FTCD: variants seen among roughly 807,000 people sequenced by gnomAD.
The protein encoded by FTCD is formimidoyltransferase cyclodeaminase.
FTCD carries 76 observed loss-of-function variants against 62.9 expected under a neutral mutation model. The observed-to-expected ratio is 1.21, with a 90% confidence interval of 1.00 to 1.46. The LOEUF is 1.46. Among genes scored for constraint, FTCD ranks in the 40% most tolerant of loss-of-function variants. The pLI, the probability that FTCD is intolerant of heterozygous loss-of-function variation, is 0.00. For synonymous variants in FTCD, 397 were observed against 336.9 expected, an observed-to-expected ratio of 1.18 and a Z score of -1.95; for missense variants, 845 against 751.3, an observed-to-expected ratio of 1.12 and a Z score of -1.46.
chr21:46,143,209 C>A (rs985022122), intron 10 of FTCD, among the ~76,000 whole-genome samples: 1 of 152,312 alleles, frequency 6.6e-6, no homozygotes, highest in East Asian at 1.9e-4. Flanking sequence ...CAACTTAGGG[C>A]TGGGGGTCTT....
chr21:46,151,426 T>A, intron 5 of FTCD, 132 bp downstream of exon 5: 1 of 816,460 alleles, frequency 1.2e-6, no homozygotes, highest in East Asian at 2.5e-5. Flanking sequence ...GCTGGGCCGG[T>A]CTGCAGGTGG....
Position 46,139,108 on chromosome 21 carries a change from A to AG in FTCD, c.1261-186dup, listed in dbSNP as rs534933038. The AG allele has an allele frequency of 1.9e-4, 92 of 489,180 alleles. 1 individual carries two copies. The highest frequency in any genetic ancestry group is 1.1e-3 in the Middle Eastern group (2 of 1,774). The allele number at this position is 489,180 out of a possible 1,614,324, so 30.3% of individuals were successfully genotyped here. On this transcript the variant is annotated intron_variant, in intron 10 of 13. Coordinates refer to ENST00000397746, the MANE Select transcript of FTCD (RefSeq NM_206965.2). The stretch of plus-strand genomic sequence containing the variant: ...ATCAGGCTTGGTGGAGGAGCAGGGT[A>AG]GGGGGGGTCGGGGCACACAGCAGAT...
intron 12 of FTCD, 118 bp from the exon 13 acceptor site, chr21:46,137,452 C>T: frequency 1.3e-6 from 1 of 796,370 alleles, no homozygotes; most frequent in Admixed American, 1.8e-5. Context: ...TCACAAGGAG[C>T]CCAGCGCAGC....
At position 46,151,570 on chromosome 21, in the gene FTCD, G is replaced by A. The variant is rs775966116; in HGVS notation, c.624C>T (p.Arg208=). The A allele has an allele frequency of 1.4e-5, 22 of 1,612,402 alleles. No individual in the cohort carries two copies. The highest frequency in any genetic ancestry group is 1.2e-4 in the Admixed American group (7 of 60,008). ...RIALNLREQG[R]GKDQPGRLKK... ...TGAACGGGGTCACCTGGTCCTTCCC[G>A]CGGCCCTGCTCCCGCAGGTTGAGCG... Residue 208 remains arginine (R), a synonymous_variant, in exon 5 of 14, where the codon CGC becomes CGT. Coordinates refer to ENST00000397746, the MANE Select transcript of FTCD (RefSeq NM_206965.2).
intron 12 of FTCD, among the ~76,000 whole-genome samples, chr21:46,138,286 C>A (rs1000594505): frequency 5.9e-5 from 9 of 152,224 alleles, no homozygotes; most frequent in African/African-American, 1.9e-4. Flanking sequence ...GCTCTGCAGA[C>A]ACATTTGGGT....
intron 10 of FTCD, among the ~76,000 whole-genome samples, chr21:46,140,853 T>C (rs1479011713): frequency 2.3e-5 from 3 of 129,130 alleles, no homozygotes; most frequent in South Asian, 2.6e-4. Flanking sequence ...CGTAAACCAA[T>C]CCAGCACTCC....
chr21:46,146,627 A>C, intron 7 of FTCD: 1 of 526,942 alleles, frequency 1.9e-6, no homozygotes, highest in East Asian at 3.2e-5. Context: ...CCCTCAGCAA[A>C]CTGCTGCTCA....
intron 2 of FTCD, among the ~76,000 whole-genome samples, chr21:46,153,240 C>A (rs1318756202): frequency 6.6e-6 from 1 of 152,212 alleles, no homozygotes. Context: ...CCTCCCGGGA[C>A]AACGGAAGTT....
Position 46,136,995 on chromosome 21 carries a change from G to C in FTCD, c.1618C>G (p.Gln540Glu). 6.2e-7 allele frequency: 1 copy of C among 1,613,360 alleles called. No homozygotes were observed. ...ALVLDCLETR[Q>E]E ...AGAGGCCTCCCGCACCGTCACTCCTGCCGGGTCTCCAAGCAGTCCAGCACC... is the reference window on the plus strand; with the variant it reads ...AGAGGCCTCCCGCACCGTCACTCCTCCCGGGTCTCCAAGCAGTCCAGCACC... Residue 540 changes from glutamine (Q) to glutamate (E), a missense_variant, in exon 14 of 14, where the codon CAG (glutamine) becomes GAG (glutamate). By Grantham distance (29) the Gln-to-Glu change is conservative. Coordinates refer to ENST00000397746, the MANE Select transcript of FTCD (RefSeq NM_206965.2).
intron 10 of FTCD, 139 bp downstream of exon 10, chr21:46,145,278 C>T (rs886068749): frequency 1.0e-5 from 7 of 676,654 alleles, no homozygotes; most frequent in Admixed American, 2.9e-5. Flanking sequence ...GTCCAGACAG[C>T]GGCCAGTGGT....
chr21:46,152,734 G>C (rs377172133), intron 3 of FTCD, 173 bp downstream of exon 3: 1 of 591,478 alleles, frequency 1.7e-6, no homozygotes, highest in Non-Finnish European at 2.9e-6. Context: ...GGCCGCAGGC[G>C]AGGCTGCGTT....
chr21:46,137,596 A>C (rs2078899726), intron 12 of FTCD, among the ~76,000 whole-genome samples: 1 of 143,586 alleles, frequency 7.0e-6, no homozygotes. Context: ...CCACTCTAGG[A>C]ACCAGGACCA....
At position 46,137,053 on chromosome 21, in the gene FTCD, G is replaced by A. The variant is rs745947635; in HGVS notation, c.1560C>T (p.Ser520=). Residue 520 remains serine, a synonymous_variant, in exon 14 of 14, where the codon AGC becomes AGT. Transcript: ENST00000397746. ...CCTGGGTCTTGGCTTCCTGCAGGAG[G>A]CTGGAAACACGATGGTGGATCTGAT... ...FKDQIHHRVS[S]LLQEAKTQAA... 3.1e-6 allele frequency: 5 copies of A among 1,613,800 alleles called. No homozygotes were observed. The highest frequency in any genetic ancestry group is 2.2e-5 in the East Asian group (1 of 44,882).
chr21:46,143,712 T>C (rs2079067390), intron 10 of FTCD, among the ~76,000 whole-genome samples: 1 of 152,128 alleles, frequency 6.6e-6, no homozygotes, highest in African/African-American at 2.4e-5. Flanking sequence ...AAGGCCAGCG[T>C]CTGGGAAGGC....
chr21:46,153,472 G>A (rs1041922059), intron 2 of FTCD, among the ~76,000 whole-genome samples: 1 of 152,074 alleles, frequency 6.6e-6, no homozygotes, highest in Admixed American at 6.5e-5. Flanking sequence ...CTCCCCTGAA[G>A]CCGAGAATCC....
In FTCD at chr21:46,151,883, TG is replaced by T. The variant is rs758089429; in HGVS notation, c.456+8del. 17 of 1,556,546 alleles carry T rather than the reference TG, an allele frequency of 1.1e-5. No individual in the cohort carries two copies. Among genetic ancestry groups the T allele is most frequent in the Non-Finnish European group, 1.5e-5 (17 of 1,150,376 alleles). On this transcript the variant is annotated splice_region_variant and intron_variant, in intron 4 of 13. Coordinates refer to ENST00000397746, the MANE Select transcript of FTCD (RefSeq NM_206965.2). Reference sequence around the variant, plus strand: ...CCTTCCCAGGCCCGACCGCCCGGGGTGGGGGCACCTTCTTAGGGAGGGCCTC... The same window carrying T: ...CCTTCCCAGGCCCGACCGCCCGGGGTGGGGCACCTTCTTAGGGAGGGCCTC...
intron 10 of FTCD, among the ~76,000 whole-genome samples, chr21:46,144,444 CT>C (rs1375723949): frequency 3.5e-4 from 20 of 56,386 alleles, no homozygotes; most frequent in Non-Finnish European, 4.6e-4. Flanking sequence ...CTCTTTCCCC[CT>C]CTCCCTCTCT....
chr21:46,150,193 G>A lies in FTCD; in HGVS notation c.832C>T (p.Leu278=). 1 of 1,609,802 alleles carries A rather than the reference G, an allele frequency of 6.2e-7. No individual in the cohort carries two copies. Among genetic ancestry groups the A allele is most frequent in the South Asian group, 1.1e-5 (1 of 90,392 alleles). ...CAGTAGAAGGCGGCCGCATCCAGCA[G>A]AGCCTTCAGGGGCACCAGGCCCACC... ...QLVGLVPLKA[L]LDAAAFYCEK... is the part of the protein sequence containing the mutation. The change falls in exon 7 of 14, where the codon CTG becomes TTG. Residue 278 remains leucine (L), a synonymous_variant. Coordinates refer to ENST00000397746, the MANE Select transcript of FTCD (RefSeq NM_206965.2).
intron 3 of FTCD, 99 bp from the exon 4 acceptor site, chr21:46,152,079 G>C: frequency 1.2e-6 from 1 of 822,506 alleles, no homozygotes. Context: ...CCTAACCCAG[G>C]AATGGGCCTC....
Sources: allele counts gnomAD v4.1 joint callset (sites outside exome capture counted in the v4.1 genomes callset), GRCh38; gene constraint gnomAD v4.1.1; transcripts MANE v1.5; gene names NCBI Gene and HGNC (gene_info 2026-07-23, HGNC 2026-07-21).